The following RAP1B variants were observed in gnomAD, a reference collection of about 807,000 sequenced individuals.
RAP1B encodes the protein RAP1B, member of RAS oncogene family, also known as ras-related protein Rap-1b.
A neutral mutation model predicts 27.5 loss-of-function variants in RAP1B; 1 was observed. The ratio of observed to expected loss-of-function variants is 0.04; its 90% confidence interval spans 0.01 to 0.17. The LOEUF (loss-of-function observed/expected upper bound fraction) is 0.17. Among genes scored for constraint, RAP1B ranks in the 10% least tolerant of loss-of-function variants. The pLI, the probability that RAP1B is intolerant of heterozygous loss-of-function variation, is 1.00. For missense variants in RAP1B, 84 were observed against 214.8 expected (o/e 0.39, Z 3.81); for synonymous variants, 75 against 73.1 (o/e 1.03, Z -0.13).
chr12:68,618,547 A>G (rs537238380), intron 1 of RAP1B, among the ~76,000 whole-genome samples: 29 of 152,294 alleles, frequency 1.9e-4, no homozygotes, highest in African/African-American at 6.7e-4. Flanking sequence ...TCCCCTAGAC[A>G]TTTTTGGCGA....
Position 68,611,086 on chromosome 12 carries a change from GCGGCCGCGCGGGGCCGGGCGC to G in RAP1B, c.-27+48_-27+68del, listed in dbSNP as rs1313403370. 4.6e-3 allele frequency: 1,050 copies of G among 226,886 alleles called. 5 individuals are homozygous for G. Among genetic ancestry groups the G allele is most frequent in the Admixed American group, 9.7e-3 (163 of 16,860 alleles). 14.1% of individuals were successfully genotyped at this position (226,886 alleles called of 1,614,324 possible). ...GTGGCCGCTGAGGGAAGCCGCGGCG[GCGGCCGCGCGGGGCCGGGCGC>G]CGGCTGAGGGGAGCGGGTGGGGTGC... On this transcript the variant is annotated intron_variant, in intron 1 of 7. Transcript: ENST00000250559.
At position 68,669,817 on chromosome 12, in the gene RAP1B, A is replaced by G. The variant is rs1875006066; in HGVS notation, c.*10568A>G. 1 of 152,316 alleles carries G rather than the reference A, an allele frequency of 6.6e-6. No individual in the cohort carries two copies. The allele number at this position is 152,316 out of a possible 1,614,324, so 9.4% of individuals were successfully genotyped here. ...TCTATCTCAAGAAAAAGAAAAAAGA[A>G]AAGAAATTAAGCAAAATGATCTTAA... On this transcript the variant is annotated 3_prime_UTR_variant, in exon 8 of 8. Coordinates refer to ENST00000250559, the MANE Select transcript of RAP1B (RefSeq NM_001010942.3).
Position 68,663,851 on chromosome 12 carries a change from C to T in RAP1B, c.*4602C>T, listed in dbSNP as rs1372814293. 1 of 152,150 alleles carries T rather than the reference C, an allele frequency of 6.6e-6. No homozygotes were observed. The highest frequency in any genetic ancestry group is 1.5e-5 in the Non-Finnish European group (1 of 68,026). 9.4% of individuals were successfully genotyped at this position (152,150 alleles called of 1,614,324 possible). A position where few individuals can be genotyped will look rare whatever the true frequency, so the allele number is the denominator to read the frequency against. On this transcript the variant is annotated 3_prime_UTR_variant, in exon 8 of 8. Coordinates refer to ENST00000250559, the MANE Select transcript of RAP1B (RefSeq NM_001010942.3). ...TTTCTGCCCACGTGGGGAAAACACACAGCAAATGAACAAAGCTCTATTGGT... is the reference window on the plus strand; with the variant it reads ...TTTCTGCCCACGTGGGGAAAACACATAGCAAATGAACAAAGCTCTATTGGT...
chr12:68,662,760 G>A lies in RAP1B; in HGVS notation c.*3511G>A, dbSNP rs995164299. The A allele has an allele frequency of 1.3e-4, 19 of 151,946 alleles. 1 individual carries two copies. Among genetic ancestry groups the A allele is most frequent in the Admixed American group, 3.9e-4 (6 of 15,246 alleles). 9.4% of individuals were successfully genotyped at this position (151,946 alleles called of 1,614,324 possible). On this transcript the variant is annotated 3_prime_UTR_variant, in exon 8 of 8. Transcript: ENST00000250559. Reference sequence around the variant, plus strand: ...TCAGTGAGCCTTAACATTGTGATTTGTAAGACTAAAATTTTTTTTTCAAAC... The same window carrying A: ...TCAGTGAGCCTTAACATTGTGATTTATAAGACTAAAATTTTTTTTTCAAAC...
At chr12:68,651,633 A>G (rs1392629511) in intron 3 of RAP1B, 5 of 201,930 alleles carry the variant, frequency 2.5e-5, no homozygotes, top group Middle Eastern at 2.2e-3. Context: ...GAGAATTTAG[A>G]CAGAATTACT....
intron 1 of RAP1B, among the ~76,000 whole-genome samples, chr12:68,646,637 G>C (rs1358792463): frequency 6.6e-6 from 1 of 152,168 alleles, no homozygotes; most frequent in Non-Finnish European, 1.5e-5. Flanking sequence ...AAGGTTTCCT[G>C]TGACTATATG....
intron 1 of RAP1B, among the ~76,000 whole-genome samples, chr12:68,645,709 G>C (rs1052265380): frequency 6.6e-6 from 1 of 152,192 alleles, no homozygotes; most frequent in Non-Finnish European, 1.5e-5. Flanking sequence ...AATGGCTGTT[G>C]CCAGTCAGTC....
intron 7 of RAP1B, among the ~76,000 whole-genome samples, chr12:68,657,913 C>CT (rs1255474702): frequency 2.4e-4 from 36 of 146,972 alleles, no homozygotes; most frequent in Non-Finnish European, 2.3e-4. Context: ...TCATGTGCCA[C>CT]TTTTTTTTTT....
intron 1 of RAP1B, among the ~76,000 whole-genome samples, chr12:68,630,152 C>T (rs1467976609): frequency 6.6e-6 from 1 of 152,186 alleles, no homozygotes. Context: ...TAAGCTGAAA[C>T]CCATTTGCCA....
At chr12:68,656,272 T>C in intron 5 of RAP1B, 34 bp from the exon 6 acceptor site, 1 of 1,548,534 alleles carries the variant, frequency 6.5e-7, no homozygotes, top group East Asian at 2.3e-5. Context: ...GCATATTTAC[T>C]TATTTATTTT....
rs1874921357 is a variant in RAP1B, at chr12:68,667,956, T to C, written c.*8707T>C. ...ATTTTTCAGAAATAAGAGGACATCA[T>C]TGGCCACTATCATACCACTAATTTT... On this transcript the variant is annotated 3_prime_UTR_variant, in exon 8 of 8. Transcript: ENST00000250559. 6.6e-6 allele frequency: 1 copy of C among 152,214 alleles called. No homozygotes were observed. Among genetic ancestry groups the C allele is most frequent in the Non-Finnish European group, 1.5e-5 (1 of 68,046 alleles). 9.4% of individuals were successfully genotyped at this position (152,214 alleles called of 1,614,324 possible). A position where few individuals can be genotyped will look rare whatever the true frequency, so the allele number is the denominator to read the frequency against.
rs1874559494 is a variant in RAP1B, at chr12:68,660,908, G to A, written c.*1659G>A. ...ACAGGATTGAAGTTAGAATATTGTG[G>A]TTATAAAAATCTTTGAGTGATGTGG... On this transcript the variant is annotated 3_prime_UTR_variant, in exon 8 of 8. Coordinates refer to ENST00000250559, the MANE Select transcript of RAP1B (RefSeq NM_001010942.3). 2 of 152,076 alleles carry A rather than the reference G, an allele frequency of 1.3e-5. No homozygotes were observed. 9.4% of individuals were successfully genotyped at this position (152,076 alleles called of 1,614,324 possible). A position where few individuals can be genotyped will look rare whatever the true frequency, so the allele number is the denominator to read the frequency against.
At chr12:68,653,745 G>A (rs1194209123) in intron 4 of RAP1B, among the ~76,000 whole-genome samples, 2 of 152,014 alleles carry the variant, frequency 1.3e-5, no homozygotes, top group Non-Finnish European at 2.9e-5. Flanking sequence ...TGGCTAACAT[G>A]GTGAAAGCCC....
chr12:68,660,933 G>A lies in RAP1B; in HGVS notation c.*1684G>A, dbSNP rs1220535004. 6.6e-6 allele frequency: 1 copy of A among 152,126 alleles called. No homozygotes were observed. The highest frequency in any genetic ancestry group is 1.5e-5 in the Non-Finnish European group (1 of 68,004). The allele number at this position is 152,126 out of a possible 1,614,324, so 9.4% of individuals were successfully genotyped here. A position where few individuals can be genotyped will look rare whatever the true frequency, so the allele number is the denominator to read the frequency against. ...GTTATAAAAATCTTTGAGTGATGTG[G>A]ATTAAGCACTTAGAGAATCGATATT... is the stretch of plus-strand genomic sequence containing the variant. On this transcript the variant is annotated 3_prime_UTR_variant, in exon 8 of 8. Coordinates refer to ENST00000250559, the MANE Select transcript of RAP1B (RefSeq NM_001010942.3).
intron 1 of RAP1B, among the ~76,000 whole-genome samples, chr12:68,611,919 A>G (rs138601696): frequency 4.0e-4 from 61 of 152,334 alleles, no homozygotes; most frequent in African/African-American, 1.5e-3. Flanking sequence ...TTCTTCTGAA[A>G]AACACTGATG....
At chr12:68,642,097 T>C (rs931720442) in intron 1 of RAP1B, among the ~76,000 whole-genome samples, 1 of 152,186 alleles carries the variant, frequency 6.6e-6, no homozygotes, top group African/African-American at 2.4e-5. Flanking sequence ...AGTCCCTCAT[T>C]AGTTGGTATA....
At chr12:68,650,584 T>C (rs1176268388) in intron 3 of RAP1B, 116 bp downstream of exon 3, 1 of 992,908 alleles carries the variant, frequency 1.0e-6, no homozygotes, top group Admixed American at 4.3e-5. Flanking sequence ...TTTATAAAAT[T>C]AGTGGGAAAA....
intron 1 of RAP1B, among the ~76,000 whole-genome samples, chr12:68,635,666 GCTGGTCTCGAACTC>G (rs1398218684): frequency 6.6e-6 from 1 of 151,880 alleles, no homozygotes; most frequent in Non-Finnish European, 1.5e-5. Context: ...TATTGGCCAG[GCTGGTCTCGAACTC>G]CTGACCTCAA....
intron 1 of RAP1B, among the ~76,000 whole-genome samples, chr12:68,641,986 A>C (rs185250129): frequency 1.4e-4 from 21 of 152,328 alleles, no homozygotes; most frequent in Admixed American, 7.2e-4. Context: ...CTTTTGGCTG[A>C]TGAAGTATCG....
Sources: gnomAD v4.1 joint callset for allele counts (sites outside exome capture counted in the v4.1 genomes callset) on GRCh38, gnomAD v4.1.1 for gene constraint, MANE v1.5 for transcripts, NCBI Gene and HGNC (gene_info 2026-07-23, HGNC 2026-07-21) for gene names.